Variants in FAM110B observed in about 807,000 individuals in gnomAD.
FAM110B encodes family with sequence similarity 110 member B.
FAM110B carries 6 observed loss-of-function variants against 20.4 expected under a neutral mutation model. The ratio of observed to expected loss-of-function variants is 0.29; its 90% CI spans 0.16 to 0.58. The LOEUF (loss-of-function observed/expected upper bound fraction) is 0.58, where lower values mean the gene tolerates loss of function less well. Among genes scored for constraint, FAM110B ranks in the 20% least tolerant of loss-of-function variants. FAM110B has a pLI of 0.90. For missense variants in FAM110B, 434 were observed against 498.2 expected (o/e 0.87, Z 1.23); for synonymous variants, 226 against 214.1 (o/e 1.06, Z -0.49).
chr8:58,097,039 G>A (rs1806650876), intron 3 of FAM110B, among the ~76,000 whole-genome samples: 1 of 152,152 alleles, frequency 6.6e-6, no homozygotes, highest in African/African-American at 2.4e-5. Flanking sequence ...CTCTTCTCGA[G>A]GAGTATCTTC....
chr8:58,029,940 C>G (rs1433155175), intron 1 of FAM110B, among the ~76,000 whole-genome samples: 2 of 152,162 alleles, frequency 1.3e-5, no homozygotes, highest in African/African-American at 4.8e-5. Flanking sequence ...AAGTGTTCAG[C>G]TCTTTGCTAT....
intron 3 of FAM110B, among the ~76,000 whole-genome samples, chr8:58,080,731 G>A (rs73682131): frequency 0.055 from 8,423 of 152,148 alleles, 778 homozygotes; most frequent in African/African-American, 0.19. Context: ...TCAGAGATGC[G>A]ACCAAAAACC....
At chr8:58,002,671 G>T (rs1052630551) in intron 1 of FAM110B, among the ~76,000 whole-genome samples, 1 of 152,114 alleles carries the variant, frequency 6.6e-6, no homozygotes, top group Non-Finnish European at 1.5e-5. Flanking sequence ...TGGTTTCTGG[G>T]TGCATATAAA....
At chr8:58,044,189 C>T (rs1805275899) in intron 2 of FAM110B, among the ~76,000 whole-genome samples, 2 of 152,166 alleles carry the variant, frequency 1.3e-5, no homozygotes, top group African/African-American at 4.8e-5. Flanking sequence ...TTCTCAGAGG[C>T]ACTGCATATA....
At chr8:58,075,230 C>T (rs569190345) in intron 2 of FAM110B, among the ~76,000 whole-genome samples, 2 of 143,686 alleles carry the variant, frequency 1.4e-5, no homozygotes, top group Admixed American at 6.7e-5. Flanking sequence ...CTCAGCCTCC[C>T]GAGTAGCACC....
At chr8:58,135,720 C>T (rs17195857) in intron 3 of FAM110B, among the ~76,000 whole-genome samples, 5,538 of 152,162 alleles carry the variant, frequency 0.036, 142 homozygotes, top group Admixed American at 0.062. Flanking sequence ...GCACTGGGCA[C>T]GGCTCCCCAA....
intron 3 of FAM110B, among the ~76,000 whole-genome samples, chr8:58,140,846 T>C (rs1412276184): frequency 2.6e-5 from 4 of 152,240 alleles, no homozygotes; most frequent in Admixed American, 6.5e-5. Context: ...TACCTTCAAG[T>C]CCTTTGCCAC....
chr8:58,108,467 C>T (rs1181342091), intron 3 of FAM110B, among the ~76,000 whole-genome samples: 2 of 152,192 alleles, frequency 1.3e-5, no homozygotes, highest in Non-Finnish European at 2.9e-5. Flanking sequence ...CCTGAAACAA[C>T]ACACAGAACC....
At chr8:58,017,878 T>C (rs1804671168) in intron 1 of FAM110B, among the ~76,000 whole-genome samples, 2 of 152,160 alleles carry the variant, frequency 1.3e-5, no homozygotes, top group African/African-American at 2.4e-5. Context: ...CTGGTAATAA[T>C]GTCATGAGAT....
chr8:58,113,365 T>G (rs1408614541), intron 3 of FAM110B: 1 of 219,392 alleles, frequency 4.6e-6, no homozygotes, highest in Non-Finnish European at 9.6e-6. Flanking sequence ...CTTTTCCCAC[T>G]GCACCTGCTC....
At chr8:58,016,594 A>C (rs879339886) in intron 1 of FAM110B, among the ~76,000 whole-genome samples, 3 of 152,216 alleles carry the variant, frequency 2.0e-5, no homozygotes, top group Non-Finnish European at 2.9e-5. Context: ...AAGAACCTGA[A>C]GGAAGATCTT....
intron 2 of FAM110B, among the ~76,000 whole-genome samples, chr8:58,055,699 G>A (rs1805532201): frequency 6.6e-6 from 1 of 152,180 alleles, no homozygotes; most frequent in Non-Finnish European, 1.5e-5. Context: ...CTAGTCAAAT[G>A]AAGCATCCTC....
intron 1 of FAM110B, among the ~76,000 whole-genome samples, chr8:58,026,627 G>A (rs182939736): frequency 6.6e-6 from 1 of 152,068 alleles, no homozygotes; most frequent in African/African-American, 2.4e-5. Flanking sequence ...TTTAACAAGG[G>A]GATTGTATTA....
At chr8:58,008,113 G>A (rs1202258445) in intron 1 of FAM110B, among the ~76,000 whole-genome samples, 2 of 148,138 alleles carry the variant, frequency 1.4e-5, no homozygotes, top group Non-Finnish European at 3.0e-5. Flanking sequence ...TGTAGGAGTC[G>A]TGAAAAGCTT....
chr8:58,027,102 C>T (rs6999606), intron 1 of FAM110B, among the ~76,000 whole-genome samples: 23,930 of 152,010 alleles, frequency 0.16, 2,349 homozygotes, highest in African/African-American at 0.26. Context: ...ATGTCACTCT[C>T]CATGGATTAT....
chr8:58,135,923 T>C (rs1563382237), intron 3 of FAM110B, among the ~76,000 whole-genome samples: 1 of 152,138 alleles, frequency 6.6e-6, no homozygotes, highest in Non-Finnish European at 1.5e-5. Context: ...CATTGAGTTG[T>C]TATTACTGCT....
At chr8:58,015,093 C>T (rs935245842) in intron 1 of FAM110B, among the ~76,000 whole-genome samples, 13 of 152,202 alleles carry the variant, frequency 8.5e-5, no homozygotes, top group Admixed American at 2.0e-4. Flanking sequence ...CGATGGCTCA[C>T]GCCTGTAATC....
intron 3 of FAM110B, among the ~76,000 whole-genome samples, chr8:58,095,132 T>C: frequency 6.6e-6 from 1 of 152,230 alleles, no homozygotes; most frequent in Non-Finnish European, 1.5e-5. Flanking sequence ...TATTTGATTC[T>C]TCTCTCCTTT....
chr8:58,067,204 G>C (rs1805789856), intron 2 of FAM110B, among the ~76,000 whole-genome samples: 1 of 152,210 alleles, frequency 6.6e-6, no homozygotes, highest in South Asian at 2.1e-4. Flanking sequence ...TCCAGGGTTA[G>C]AGAATGAGAA....
Sources: gnomAD v4.1 joint callset for allele counts (sites outside exome capture counted in the v4.1 genomes callset) on GRCh38, gnomAD v4.1.1 for gene constraint, MANE v1.5 for transcripts, NCBI Gene and HGNC (gene_info 2026-07-23, HGNC 2026-07-21) for gene names.